The following CTTNBP2 variants were observed in gnomAD, a reference collection of about 807,000 sequenced individuals.
CTTNBP2 encodes the protein cortactin-binding protein 2.
CTTNBP2 carries 108 observed loss-of-function variants against 156.9 expected under a neutral mutation model. The ratio of observed to expected loss-of-function variants is 0.69; its 90% CI spans 0.59 to 0.81. CTTNBP2 has a LOEUF of 0.81. CTTNBP2 is among the 30% of genes least tolerant of loss of function. CTTNBP2 has a pLI of 0.00. For synonymous variants in CTTNBP2, 767 were observed against 751.8 expected, an observed-to-expected ratio of 1.02 and a Z score of -0.33; for missense variants, 1,924 against 2,035.4, an observed-to-expected ratio of 0.95 and a Z score of 1.05.
rs1294388461 is a variant in CTTNBP2, at chr7:117,721,088, T to C, written c.4490A>G (p.Asn1497Ser). Residue 1497 changes from asparagine to serine, a missense_variant, in exon 20 of 23, where the codon AAT (asparagine) becomes AGT (serine). Coordinates refer to ENST00000160373, the MANE Select transcript of CTTNBP2 (RefSeq NM_033427.3). ...TTACTTTTGTTTTGACAGAGAAGCATTCCTGTTACAATTCAGCTGTGATAT... is the reference window on the plus strand; with the variant it reads ...TTACTTTTGTTTTGACAGAGAAGCACTCCTGTTACAATTCAGCTGTGATAT... ...KTISQLNCNR[N>S]ASLSKQKSLE... 1.2e-6 allele frequency: 2 copies of C among 1,606,718 alleles called. No homozygotes were observed. The highest frequency in any genetic ancestry group is 1.7e-6 in the Non-Finnish European group (2 of 1,173,386).
At chr7:117,836,495 G>C (rs187773285) in intron 2 of CTTNBP2, among the ~76,000 whole-genome samples, 4 of 152,166 alleles carry the variant, frequency 2.6e-5, no homozygotes, top group African/African-American at 9.7e-5. Flanking sequence ...ACCCAGAGGC[G>C]GAGCTGGCAG....
rs35168569 is a variant in CTTNBP2, at chr7:117,864,527, G to T, written c.82-3211C>A. ...AAGTACTGTGCATGAAAAGATGCTG[G>T]AGATCTTAAGACTCCAAGTATTTTA... On this transcript the variant is annotated intron_variant, in intron 1 of 22. Coordinates refer to ENST00000160373, the MANE Select transcript of CTTNBP2 (RefSeq NM_033427.3). 6.6e-3 allele frequency among the ~76,000 whole-genome samples: 943 copies of T among 143,288 alleles called. 14 individuals are homozygous for T. Among genetic ancestry groups the T allele is most frequent in the African/African-American group, 0.022 (893 of 40,276 alleles). 94.0% of individuals were successfully genotyped at this position (143,288 alleles called of 152,430 possible).
intron 2 of CTTNBP2, among the ~76,000 whole-genome samples, chr7:117,835,938 A>T (rs1413593804): frequency 6.6e-6 from 1 of 152,232 alleles, no homozygotes; most frequent in Non-Finnish European, 1.5e-5. Context: ...AATAATACCT[A>T]CAACTAATAC....
chr7:117,833,581 T>C (rs984808806), intron 2 of CTTNBP2, among the ~76,000 whole-genome samples: 1 of 152,208 alleles, frequency 6.6e-6, no homozygotes, highest in African/African-American at 2.4e-5. Context: ...AAAAAGCCTT[T>C]CCTAACCACC....
At chr7:117,826,830 ATTATTAT>A (rs1414940310) in intron 2 of CTTNBP2, among the ~76,000 whole-genome samples, 1 of 534 alleles carries the variant, frequency 1.9e-3, no homozygotes, top group Non-Finnish European at 5.0e-3. Flanking sequence ...ACTGAGCATT[ATTATTAT>A]TATTATTATT....
chr7:117,837,828 C>A (rs1802044869), intron 2 of CTTNBP2, among the ~76,000 whole-genome samples: 1 of 152,044 alleles, frequency 6.6e-6, no homozygotes, highest in Non-Finnish European at 1.5e-5. Context: ...TAGGGATGCT[C>A]GACTCATACC....
At chr7:117,834,828 G>A (rs548000460) in intron 2 of CTTNBP2, among the ~76,000 whole-genome samples, 135 of 152,240 alleles carry the variant, frequency 8.9e-4, no homozygotes, top group African/African-American at 3.1e-3. Context: ...TTAAACATAG[G>A]GATAGAAATG....
rs528354026 is a variant in CTTNBP2 at position 117,727,779 on chromosome 7, G to A, written c.4055+310C>T. ...ACAGAATGCAGGTTTTTTGGAGGGT[G>A]TGCATACAATACTTGATGAAACTTC... On this transcript the variant is annotated intron_variant, in intron 17 of 22. Coordinates refer to ENST00000160373, the MANE Select transcript of CTTNBP2 (RefSeq NM_033427.3). Among the ~76,000 whole-genome samples the A allele has an allele frequency of 1.3e-5, 2 of 152,338 alleles. 1 individual carries two copies. Among genetic ancestry groups the A allele is most frequent in the South Asian group, 4.1e-4 (2 of 4,834 alleles).
chr7:117,796,779 C>A (rs1279142220), intron 3 of CTTNBP2, among the ~76,000 whole-genome samples: 1 of 152,122 alleles, frequency 6.6e-6, no homozygotes, highest in East Asian at 1.9e-4. Flanking sequence ...AGAGAATACA[C>A]CATATTAAAC....
intron 2 of CTTNBP2, among the ~76,000 whole-genome samples, chr7:117,828,313 T>G (rs1389555775): frequency 1.3e-5 from 2 of 152,258 alleles, no homozygotes; most frequent in Non-Finnish European, 1.5e-5. Context: ...GGTAACTTCA[T>G]CTTATTCCCA....
intron 14 of CTTNBP2, among the ~76,000 whole-genome samples, chr7:117,745,003 TC>T (rs1438971068): frequency 5.9e-5 from 9 of 152,282 alleles, no homozygotes; most frequent in Non-Finnish European, 1.5e-5. Flanking sequence ...TCCCCAGGGG[TC>T]TCTGTGGCTT....
intron 2 of CTTNBP2, among the ~76,000 whole-genome samples, chr7:117,841,310 T>G (rs1215943547): frequency 6.6e-6 from 1 of 152,178 alleles, no homozygotes; most frequent in African/African-American, 2.4e-5. Flanking sequence ...AGAAATAATG[T>G]TTACTATTAT....
At chr7:117,777,472 T>C in intron 8 of CTTNBP2, 39 bp downstream of exon 8, 1 of 1,590,456 alleles carries the variant, frequency 6.3e-7, no homozygotes, top group Non-Finnish European at 8.6e-7. Context: ...GCTCATCAAA[T>C]TACAGCTGCA....
intron 2 of CTTNBP2, among the ~76,000 whole-genome samples, chr7:117,813,384 C>T (rs1049208371): frequency 1.3e-5 from 2 of 152,074 alleles, no homozygotes; most frequent in Admixed American, 1.3e-4. Context: ...AGACAAGGGG[C>T]CCTTCTAAAT....
Position 117,873,417 on chromosome 7 carries a change from T to G in CTTNBP2, c.-2A>C. 6.7e-7 allele frequency: 1 copy of G among 1,498,370 alleles called. No individual in the cohort carries two copies. The highest frequency in any genetic ancestry group is 8.8e-7 in the Non-Finnish European group (1 of 1,131,116). 92.8% of individuals were successfully genotyped at this position (1,498,370 alleles called of 1,614,324 possible). A position where few individuals can be genotyped will look rare whatever the true frequency, so the allele number is the denominator to read the frequency against. Reference sequence around the variant, plus strand: ...GCAGCTCGCGCCGTCCGTCGCCATCTTCCTGCTCTAGCGGATCCGAATGCG... The same window carrying G: ...GCAGCTCGCGCCGTCCGTCGCCATCGTCCTGCTCTAGCGGATCCGAATGCG... On this transcript the variant is annotated 5_prime_UTR_variant, in exon 1 of 23. Coordinates refer to ENST00000160373, the MANE Select transcript of CTTNBP2 (RefSeq NM_033427.3).
At chr7:117,817,361 A>ATATATATATATATATATAT (rs1298639361) in intron 2 of CTTNBP2, among the ~76,000 whole-genome samples, 2,717 of 53,034 alleles carry the variant, frequency 0.051, 512 homozygotes, top group Non-Finnish European at 0.065. Flanking sequence ...AAAAAAAAAA[A>ATATATATATATATATATAT]ATATATATAT....
In CTTNBP2 at chr7:117,735,310, A is replaced by G; in HGVS notation, c.3647T>C (p.Leu1216Pro). ...GGGGCTTTCAGTGCTGCGATTTTCA[A>G]GAGGTGCCAAAAAGTCCCTCAATAA... ...SELLRDFLAP[L>P]ENRSTESPCT... Residue 1216 changes from leucine to proline, a missense_variant, in exon 15 of 23, where the codon CTT becomes CCT. Transcript: ENST00000160373. 1 of 1,614,130 alleles carries G rather than the reference A, an allele frequency of 6.2e-7. No individual in the cohort carries two copies.
chr7:117,801,572 CTG>C (rs1199698135), intron 3 of CTTNBP2, among the ~76,000 whole-genome samples: 1 of 152,164 alleles, frequency 6.6e-6, no homozygotes, highest in African/African-American at 2.4e-5. Flanking sequence ...AGAAAAAATG[CTG>C]TTTCAATTAT....
At chr7:117,782,786 G>A (rs182005169) in intron 6 of CTTNBP2, 76 bp downstream of exon 6, 182 of 924,954 alleles carry the variant, frequency 2.0e-4, no homozygotes, top group Admixed American at 4.8e-4. Flanking sequence ...ACATTCAGCC[G>A]GAACTAAAAT....
Sources: allele counts gnomAD v4.1 joint callset (sites outside exome capture counted in the v4.1 genomes callset), GRCh38; gene constraint gnomAD v4.1.1; transcripts MANE v1.5; gene names NCBI Gene and HGNC (gene_info 2026-07-23, HGNC 2026-07-21).